VLDLR: variants seen among roughly 807,000 people sequenced by gnomAD.
VLDLR encodes very low density lipoprotein receptor.
VLDLR carries 81 observed loss-of-function variants against 112.7 expected under a neutral mutation model. The observed-to-expected ratio is 0.72, with a 90% confidence interval of 0.60 to 0.86. The LOEUF is 0.86. Among genes scored for constraint, VLDLR ranks in the 40% least tolerant of loss-of-function variants. VLDLR has a pLI of 0.00. For synonymous variants in VLDLR, 436 were observed against 384.8 expected, an observed-to-expected ratio of 1.13 and a Z score of -1.56; for missense variants, 1,237 against 1,099.4, an observed-to-expected ratio of 1.13 and a Z score of -1.77.
chr9:2,651,799 G>A, intron 16 of VLDLR, 75 bp from the exon 17 acceptor site: 1 of 1,537,394 alleles, frequency 6.5e-7, no homozygotes, highest in Non-Finnish European at 9.0e-7. Flanking sequence ...AAAGGTTTTG[G>A]CTCCTTACCT....
chr9:2,624,540 T>C (rs1188694161), intron 1 of VLDLR, among the ~76,000 whole-genome samples: 1 of 152,226 alleles, frequency 6.6e-6, no homozygotes, highest in Non-Finnish European at 1.5e-5. Flanking sequence ...GTAGTCAAGA[T>C]TAAGATCTGT....
chr9:2,637,153 T>C (rs1410619948), intron 2 of VLDLR, among the ~76,000 whole-genome samples: 3 of 152,176 alleles, frequency 2.0e-5, no homozygotes, highest in Admixed American at 2.0e-4. Context: ...AAAGTAGAAA[T>C]ATTACAATCA....
chr9:2,647,806 T>G, intron 12 of VLDLR: 2 of 635,148 alleles, frequency 3.1e-6, no homozygotes, highest in Non-Finnish European at 5.7e-6. Context: ...CAGCTGGGCC[T>G]AATATGTGAC....
In VLDLR at chr9:2,651,415, GTACTGCAAC is replaced by G. The variant is rs754137308; in HGVS notation, c.2258_2266del (p.Ala753_Thr755del). 9 of 1,613,432 alleles carry G rather than the reference GTACTGCAAC, an allele frequency of 5.6e-6. No homozygotes were observed. In the African/African-American group the frequency reaches 8.0e-5, roughly 14 times the overall value. ...CAGGTTCTTGGTTTTTATAATTCAG[GTACTGCAAC>G]TACTGTGACTTACAGTGAGACAAAA... On this transcript the variant is annotated inframe_deletion and splice_region_variant, in exon 16 of 19. Transcript: ENST00000382100.
intron 18 of VLDLR, 106 bp from the exon 19 acceptor site, chr9:2,653,727 T>C: frequency 8.5e-7 from 1 of 1,169,908 alleles, no homozygotes; most frequent in Admixed American, 1.7e-5. Flanking sequence ...TTCTAAGCAC[T>C]CTGAGTGTTT....
At chr9:2,640,365 A>G (rs1563755528) in intron 3 of VLDLR, among the ~76,000 whole-genome samples, 1 of 152,240 alleles carries the variant, frequency 6.6e-6, no homozygotes. Flanking sequence ...AAAAGCTTTT[A>G]GAAGCACAGC....
intron 11 of VLDLR, among the ~76,000 whole-genome samples, chr9:2,646,789 G>A (rs201960062): frequency 6.6e-6 from 1 of 152,310 alleles, no homozygotes. Context: ...TGACATTAAT[G>A]AATTAACATT....
rs571053377 is a variant in VLDLR, at chr9:2,639,754, T to G, written c.203-105T>G. The G allele has an allele frequency of 6.1e-5, 95 of 1,557,100 alleles. No homozygotes were observed. In the South Asian group the frequency reaches 9.8e-4, roughly 16 times the overall value. On this transcript the variant is annotated intron_variant, in intron 2 of 18. Transcript: ENST00000382100. ...GCAGTTGAGTGCCCATTGACTCAGC[T>G]TTTTTTTAGAGCAAAACATGCCAAA...
intron 1 of VLDLR, among the ~76,000 whole-genome samples, chr9:2,626,813 AGTTT>A (rs771398119): frequency 5.7e-4 from 14 of 24,574 alleles, no homozygotes; most frequent in East Asian, 2.1e-3. Flanking sequence ...TTACATCACA[AGTTT>A]GTTAGAACTT....
chr9:2,646,690 A>T (rs1818091477), intron 11 of VLDLR, 138 bp downstream of exon 11: 3 of 939,844 alleles, frequency 3.2e-6, no homozygotes, highest in Non-Finnish European at 5.0e-6. Context: ...AATTTAAGAT[A>T]TCAGTTTTGC....
At chr9:2,652,012 T>G in intron 17 of VLDLR, 58 bp downstream of exon 17, 2 of 1,550,080 alleles carry the variant, frequency 1.3e-6, no homozygotes, top group East Asian at 4.5e-5. Flanking sequence ...AGATGAAGAT[T>G]TTTTGTTCAT....
chr9:2,656,181 T>C lies in VLDLR; in HGVS notation c.*2313T>C, dbSNP rs1818596444. Reference sequence around the variant, plus strand: ...CAACCCTCAAAGAGTCTAAAACGTCTCATTTTTTTTTACCACGTCCTCCCC... The same window carrying C: ...CAACCCTCAAAGAGTCTAAAACGTCCCATTTTTTTTTACCACGTCCTCCCC... On this transcript the variant is annotated 3_prime_UTR_variant, in exon 19 of 19. Transcript: ENST00000382100. The C allele has an allele frequency of 6.8e-6, 1 of 147,332 alleles. No individual in the cohort carries two copies. Among genetic ancestry groups the C allele is most frequent in the African/African-American group, 2.7e-5 (1 of 37,050 alleles). The allele number at this position is 147,332 out of a possible 1,614,324, so 9.1% of individuals were successfully genotyped here. A position where few individuals can be genotyped will look rare whatever the true frequency, so the allele number is the denominator to read the frequency against.
At chr9:2,625,596 T>C (rs1465500888) in intron 1 of VLDLR, among the ~76,000 whole-genome samples, 2 of 152,248 alleles carry the variant, frequency 1.3e-5, no homozygotes, top group Non-Finnish European at 2.9e-5. Context: ...ATAATGATGT[T>C]CGTTGTAAAT....
At chr9:2,624,919 G>A (rs1403132990) in intron 1 of VLDLR, among the ~76,000 whole-genome samples, 1 of 152,180 alleles carries the variant, frequency 6.6e-6, no homozygotes, top group Non-Finnish European at 1.5e-5. Context: ...CACTTTATGT[G>A]GCATTTACCT....
intron 3 of VLDLR, 130 bp from the exon 4 acceptor site, chr9:2,641,247 C>T (rs969572609): frequency 2.1e-6 from 3 of 1,452,848 alleles, no homozygotes; most frequent in African/African-American, 1.4e-5. Context: ...CGGGCTTCAG[C>T]CAGTTAGTAG....
chr9:2,631,676 G>A (rs1255931739), intron 1 of VLDLR, among the ~76,000 whole-genome samples: 1 of 140,222 alleles, frequency 7.1e-6, no homozygotes, highest in African/African-American at 2.7e-5. Flanking sequence ...GAAAGGGAGA[G>A]CAGATGAAAG....
chr9:2,655,402 C>G lies in VLDLR; in HGVS notation c.*1534C>G, dbSNP rs1344891132. The G allele has an allele frequency of 6.6e-6, 1 of 152,100 alleles. No individual in the cohort carries two copies. Among genetic ancestry groups the G allele is most frequent in the African/African-American group, 2.4e-5 (1 of 41,414 alleles). The allele number at this position is 152,100 out of a possible 1,614,324, so 9.4% of individuals were successfully genotyped here. On this transcript the variant is annotated 3_prime_UTR_variant, in exon 19 of 19. Coordinates refer to ENST00000382100, the MANE Select transcript of VLDLR (RefSeq NM_003383.5). ...AAAGACTTGAAGCACCGGGTGCATG[C>G]TGTGTGTCACAAGTGAGGTGGAGAG... is the stretch of plus-strand genomic sequence containing the variant.
intron 1 of VLDLR, among the ~76,000 whole-genome samples, chr9:2,631,488 G>T (rs10967248): frequency 6.6e-6 from 1 of 152,162 alleles, no homozygotes; most frequent in Non-Finnish European, 1.5e-5. Flanking sequence ...CCATGAAAAT[G>T]AATGAAATCA....
Position 2,643,204 on chromosome 9 carries a change from C to A in VLDLR, c.493C>A (p.Arg165Ser). The A allele has an allele frequency of 2.5e-6, 4 of 1,613,820 alleles. No individual in the cohort carries two copies. Among genetic ancestry groups the A allele is most frequent in the South Asian group, 2.2e-5 (2 of 91,072 alleles). Residue 165 changes from arginine (R) to serine (S), a missense_variant, in exon 5 of 19, where the codon CGC (arginine) becomes AGC (serine). Arg to Ser is a moderately radical substitution (Grantham distance 110). Transcript: ENST00000382100. ...CGACGAGTTCACCTGCTCCAGTGGC[C>A]GCTGCATCTCCAGGAACTTTGTATG... is the stretch of plus-strand genomic sequence containing the variant. ...SPDEFTCSSG[R>S]CISRNFVCNG...
Sources: allele counts gnomAD v4.1 joint callset (sites outside exome capture counted in the v4.1 genomes callset), GRCh38; gene constraint gnomAD v4.1.1; transcripts MANE v1.5; gene names NCBI Gene and HGNC (gene_info 2026-07-23, HGNC 2026-07-21).